Variants in RNF4 observed in about 807,000 individuals in gnomAD.
RNF4 encodes the protein E3 ubiquitin-protein ligase RNF4.
In RNF4, 7 loss-of-function variants were observed where a neutral mutation model predicts 24.3. The observed-to-expected ratio is 0.29, with a 90% CI of 0.16 to 0.54. The LOEUF is 0.54. Among genes scored for constraint, RNF4 ranks in the 20% least tolerant of loss-of-function variants. The pLI, the probability that RNF4 is intolerant of heterozygous loss-of-function variation, is 0.95. For missense variants in RNF4, 209 were observed against 248.5 expected (o/e 0.84, Z 1.07); for synonymous variants, 83 against 84.3 (o/e 0.98, Z 0.09).
At chr4:2,490,137 A>G (rs1160727650) in intron 1 of RNF4, among the ~76,000 whole-genome samples, 200 bp from the exon 2 acceptor site, 2 of 152,108 alleles carry the variant, frequency 1.3e-5, no homozygotes, top group Admixed American at 6.6e-5. Context: ...AATAATTACA[A>G]TTGCAGGCTT....
At position 2,514,766 on chromosome 4, in the gene RNF4, C is replaced by T. The variant is rs1736366110; in HGVS notation, c.*947C>T. ...GAGAGGTGGTGGCAGTAATTGTGGC[C>T]TTATCAGCCGCTCAGTTCCAGGCTT... On this transcript the variant is annotated 3_prime_UTR_variant, in exon 8 of 8. Transcript: ENST00000314289. 1 of 152,664 alleles carries T rather than the reference C, an allele frequency of 6.6e-6. No individual in the cohort carries two copies. Among genetic ancestry groups the T allele is most frequent in the South Asian group, 2.1e-4 (1 of 4,830 alleles). 9.5% of individuals were successfully genotyped at this position (152,664 alleles called of 1,614,324 possible). A position where few individuals can be genotyped will look rare whatever the true frequency, so the allele number is the denominator to read the frequency against.
At chr4:2,484,261 C>CT (rs1735339913) in intron 1 of RNF4, among the ~76,000 whole-genome samples, 1 of 151,910 alleles carries the variant, frequency 6.6e-6, no homozygotes, top group Non-Finnish European at 1.5e-5. Flanking sequence ...TGTGGACTGG[C>CT]TGCAGAGTTA....
At chr4:2,495,646 G>GA (rs946096417) in intron 2 of RNF4, among the ~76,000 whole-genome samples, 5 of 148,298 alleles carry the variant, frequency 3.4e-5, no homozygotes, top group Admixed American at 6.8e-5. Context: ...TTTTGGGGGG[G>GA]GGTGAGATGG....
At chr4:2,493,612 C>T (rs1008154118) in intron 2 of RNF4, among the ~76,000 whole-genome samples, 16 of 151,460 alleles carry the variant, frequency 1.1e-4, no homozygotes, top group Non-Finnish European at 1.9e-4. Context: ...AGCACAGTGG[C>T]GGGTGCCTGT....
chr4:2,493,992 G>A (rs1018922755), intron 2 of RNF4, among the ~76,000 whole-genome samples: 2 of 151,616 alleles, frequency 1.3e-5, no homozygotes, highest in Non-Finnish European at 2.9e-5. Context: ...ACAGGTGCAT[G>A]CCACCACGCC....
chr4:2,497,861 C>T (rs1458016522), intron 3 of RNF4, among the ~76,000 whole-genome samples: 1 of 152,092 alleles, frequency 6.6e-6, no homozygotes, highest in Non-Finnish European at 1.5e-5. Flanking sequence ...GTCTCGATCT[C>T]CTGACCTTGT....
At chr4:2,500,874 T>C in intron 4 of RNF4, 136 bp downstream of exon 4, 1 of 734,652 alleles carries the variant, frequency 1.4e-6, no homozygotes, top group East Asian at 2.8e-5. Context: ...TCTTGTGGAA[T>C]TGAGCTTTTA....
chr4:2,513,091 G>T lies in RNF4; in HGVS notation c.383G>T (p.Gly128Val). 1 of 1,613,904 alleles carries T rather than the reference G, an allele frequency of 6.2e-7. No homozygotes were observed. The highest frequency in any genetic ancestry group is 8.5e-7 in the Non-Finnish European group (1 of 1,179,792). Residue 128 changes from glycine (G) to valine (V), a missense_variant, in exon 7 of 8, where the codon GGT becomes GTT. Gly to Val is a moderately radical substitution (Grantham distance 109, BLOSUM62 -3). This residue lies in a region of RNF4 where 182 missense variants were observed against 197.2 expected (regional missense o/e 0.92). Transcript: ENST00000314289. ...AAGCACTGTGCTCTTAGGCCCTCAG[G>T]TACTGTCAGTTGTCCCATCTGCATG... Reference protein sequence around the residue: ...DEGATGLRPSGTVSCPICMDG... With the variant: ...DEGATGLRPSVTVSCPICMDG...
intron 4 of RNF4, 70 bp from the exon 5 acceptor site, chr4:2,511,886 T>C (rs1296445101): frequency 1.3e-6 from 2 of 1,493,642 alleles, no homozygotes; most frequent in African/African-American, 1.4e-5. Context: ...AAAAAAGAAA[T>C]GGCTTCGTTT....
At chr4:2,484,800 G>A (rs775011710) in intron 1 of RNF4, among the ~76,000 whole-genome samples, 2 of 152,036 alleles carry the variant, frequency 1.3e-5, no homozygotes, top group African/African-American at 2.4e-5. Flanking sequence ...ACTACCCCGA[G>A]CCTCATGGCT....
At chr4:2,488,255 A>C (rs1735473110) in intron 1 of RNF4, among the ~76,000 whole-genome samples, 1 of 152,110 alleles carries the variant, frequency 6.6e-6, no homozygotes, top group Non-Finnish European at 1.5e-5. Context: ...CTGAGGTCAG[A>C]AGTTCGAGAC....
intron 1 of RNF4, among the ~76,000 whole-genome samples, chr4:2,481,385 A>AT (rs1029704515): frequency 2.0e-5 from 3 of 151,426 alleles, no homozygotes; most frequent in African/African-American, 7.3e-5. Context: ...ATGCTTTTTT[A>AT]TTTTTTTTAA....
In RNF4 at chr4:2,483,815, A is replaced by G. The variant is rs543962412; in HGVS notation, c.-157-6522A>G. Among the ~76,000 whole-genome samples, 7 of 151,890 alleles carry G rather than the reference A, an allele frequency of 4.6e-5. No individual in the cohort carries two copies. In the South Asian group the frequency reaches 1.5e-3, roughly 32 times the overall value. On this transcript the variant is annotated intron_variant, in intron 1 of 7. Coordinates refer to ENST00000314289, the MANE Select transcript of RNF4 (RefSeq NM_002938.5). The stretch of plus-strand genomic sequence containing the variant: ...CAAGACTGTGTCTCAAAAAAAAATT[A>G]TTTGTTTTTATTGATTTTTATTTAT...
chr4:2,482,732 A>G (rs892781539), intron 1 of RNF4, among the ~76,000 whole-genome samples: 33 of 152,196 alleles, frequency 2.2e-4, no homozygotes, highest in African/African-American at 7.5e-4. Flanking sequence ...CTCTCTGAGC[A>G]TAGTCTGCTG....
chr4:2,494,379 T>C (rs1384291577), intron 2 of RNF4, among the ~76,000 whole-genome samples: 1 of 146,046 alleles, frequency 6.8e-6, no homozygotes, highest in Non-Finnish European at 1.5e-5. Flanking sequence ...AGAACTTTTT[T>C]TTTTTTTTTT....
At position 2,485,281 on chromosome 4, in the gene RNF4, CA is replaced by C. The variant is rs1338966913; in HGVS notation, c.-157-5055del. ...CCCCAGCCTGTGCATTGCAGCTGTT[CA>C]CTGCTTCCTCCTCCTTGAAGAAGGA... On this transcript the variant is annotated intron_variant, in intron 1 of 7. Coordinates refer to ENST00000314289, the MANE Select transcript of RNF4 (RefSeq NM_002938.5). Among the ~76,000 whole-genome samples, 4 of 152,188 alleles carry C rather than the reference CA, an allele frequency of 2.6e-5. 1 individual carries two copies. The highest frequency in any genetic ancestry group is 6.3e-3 in the Middle Eastern group (2 of 316).
intron 4 of RNF4, among the ~76,000 whole-genome samples, chr4:2,510,003 C>T (rs1471926984): frequency 6.6e-6 from 1 of 152,200 alleles, no homozygotes; most frequent in Non-Finnish European, 1.5e-5. Context: ...TACATTGTGC[C>T]GGCCCTGGTA....
intron 1 of RNF4, among the ~76,000 whole-genome samples, chr4:2,470,718 C>G (rs904880096): frequency 6.6e-6 from 1 of 152,094 alleles, no homozygotes; most frequent in African/African-American, 2.4e-5. Context: ...TCCTGTATGC[C>G]AACCTTTCTG....
At chr4:2,500,476 A>G (rs1735876886) in intron 3 of RNF4, among the ~76,000 whole-genome samples, 183 bp from the exon 4 acceptor site, 1 of 152,182 alleles carries the variant, frequency 6.6e-6, no homozygotes, top group Non-Finnish European at 1.5e-5. Flanking sequence ...GAATTCTGGA[A>G]GGGTGGTTAC....
Sources: allele counts gnomAD v4.1 joint callset (sites outside exome capture counted in the v4.1 genomes callset), GRCh38; gene constraint gnomAD v4.1.1; regional missense constraint gnomAD v4.1.1; transcripts MANE v1.5; gene names NCBI Gene and HGNC (gene_info 2026-07-23, HGNC 2026-07-21).